GBE1: variants seen among roughly 807,000 people sequenced by gnomAD.
GBE1 encodes the protein 1,4-alpha-glucan-branching enzyme.
In GBE1, 70 loss-of-function variants were observed where a neutral mutation model predicts 88.8. The observed-to-expected ratio is 0.79, with a 90% CI of 0.65 to 0.96. GBE1 has a LOEUF of 0.96. Among genes scored for constraint, GBE1 ranks in the 40% least tolerant of loss-of-function variants. The probability of loss-of-function intolerance (pLI) is 0.00; values close to 1 mark genes in which losing one functional copy is unlikely to be tolerated. For synonymous variants in GBE1, 284 were observed against 300.1 expected (o/e 0.95, Z 0.56); for missense variants, 872 against 871.0 (o/e 1.00, Z -0.01).
rs533055306 is a variant in GBE1, at chr3:81,509,955, T to A, written c.1935-10728A>T. On this transcript the variant is annotated intron_variant, in intron 14 of 15. Coordinates refer to ENST00000429644, the MANE Select transcript of GBE1 (RefSeq NM_000158.4). ...TAAATGCATGTTAGTTGGAAGCAAT[T>A]AATTCTCAAGTTAACTATTCTGATT... Among the ~76,000 whole-genome samples the A allele has an allele frequency of 1.2e-4, 19 of 152,156 alleles. No individual in the cohort carries two copies. The South Asian group carries it at 3.1e-3, about 25-fold the overall frequency.
At chr3:81,623,709 C>A (rs1449157309) in intron 7 of GBE1, among the ~76,000 whole-genome samples, 1 of 152,134 alleles carries the variant, frequency 6.6e-6, no homozygotes, top group Non-Finnish European at 1.5e-5. Flanking sequence ...AGTGGCATGA[C>A]CATGGCTCAC....
intron 12 of GBE1, among the ~76,000 whole-genome samples, chr3:81,562,857 C>G (rs995253774): frequency 4.6e-5 from 7 of 151,144 alleles, no homozygotes; most frequent in African/African-American, 1.7e-4. Flanking sequence ...ATGTATAGGT[C>G]ACTTTCATCT....
At chr3:81,721,243 G>GAA (rs1411695091) in intron 1 of GBE1, among the ~76,000 whole-genome samples, 2 of 58,082 alleles carry the variant, frequency 3.4e-5, no homozygotes, top group African/African-American at 2.2e-4. Context: ...AAAAACACAT[G>GAA]AAAAAAAAAA....
intron 2 of GBE1, among the ~76,000 whole-genome samples, chr3:81,697,534 T>C (rs1705617421): frequency 6.6e-6 from 1 of 152,140 alleles, no homozygotes; most frequent in Non-Finnish European, 1.5e-5. Context: ...TCTCCTGACC[T>C]CGTGATCCGC....
At chr3:81,710,539 G>A (rs1705849612) in intron 1 of GBE1, among the ~76,000 whole-genome samples, 1 of 151,724 alleles carries the variant, frequency 6.6e-6, no homozygotes, top group Admixed American at 6.6e-5. Flanking sequence ...TCCTAACTCT[G>A]TTACACACCA....
chr3:81,736,330 T>C (rs1237140406), intron 1 of GBE1, among the ~76,000 whole-genome samples: 2 of 152,190 alleles, frequency 1.3e-5, no homozygotes. Flanking sequence ...ATGTTGGCCA[T>C]TGCTGAACCC....
intron 7 of GBE1, among the ~76,000 whole-genome samples, chr3:81,607,980 A>G (rs1341504060): frequency 2.0e-5 from 3 of 152,212 alleles, no homozygotes; most frequent in African/African-American, 7.2e-5. Flanking sequence ...AGATTTACAC[A>G]AGAAATGTTA....
rs535017974 is a variant in GBE1 at position 81,550,189 on chromosome 3, G to GT, written c.1619-13095dup. 6.6e-5 allele frequency among the ~76,000 whole-genome samples: 10 copies of GT among 151,494 alleles called. No homozygotes were observed. In the East Asian group the frequency reaches 1.7e-3, roughly 26 times the overall value. On this transcript the variant is annotated intron_variant, in intron 12 of 15. Transcript: ENST00000429644. ...CTTTACTCTTTTGGAATACATCGCT[G>GT]TTTTACTCCACATGTAGGAATGCAG...
chr3:81,676,653 T>C (rs1490543090), intron 2 of GBE1, among the ~76,000 whole-genome samples: 1 of 152,122 alleles, frequency 6.6e-6, no homozygotes, highest in Non-Finnish European at 1.5e-5. Flanking sequence ...ATTTTCTTTT[T>C]TATTTTACTT....
chr3:81,752,534 T>C (rs1050767362), intron 1 of GBE1, among the ~76,000 whole-genome samples: 1 of 152,192 alleles, frequency 6.6e-6, no homozygotes, highest in African/African-American at 2.4e-5. Context: ...TTTGAATTTC[T>C]GCAGGCTAGC....
intron 1 of GBE1, 93 bp downstream of exon 1, chr3:81,761,282 G>A (rs1170504073): frequency 6.8e-7 from 1 of 1,472,580 alleles, no homozygotes; most frequent in Non-Finnish European, 9.1e-7. Context: ...GGCGGGGTTG[G>A]CGCGCGAGGG....
At chr3:81,705,724 AAAG>A (rs1559694148) in intron 1 of GBE1, 111 bp from the exon 2 acceptor site, 1 of 596,368 alleles carries the variant, frequency 1.7e-6, no homozygotes. Flanking sequence ...AGACATTATT[AAAG>A]AAGAATAATA....
intron 12 of GBE1, among the ~76,000 whole-genome samples, chr3:81,551,989 C>G (rs1054365525): frequency 1.3e-5 from 2 of 152,188 alleles, no homozygotes; most frequent in African/African-American, 4.8e-5. Flanking sequence ...CACTCTACCC[C>G]TGCTCTCCCA....
intron 1 of GBE1, among the ~76,000 whole-genome samples, chr3:81,714,421 T>G (rs1472438866): frequency 6.6e-6 from 1 of 152,202 alleles, no homozygotes; most frequent in Non-Finnish European, 1.5e-5. Context: ...ATAATGTACC[T>G]AAACTTTTTA....
chr3:81,568,181 T>C (rs1212659056), intron 12 of GBE1, among the ~76,000 whole-genome samples: 1 of 152,104 alleles, frequency 6.6e-6, no homozygotes. Flanking sequence ...GGAGTCTCGC[T>C]CTGGCACCCA....
chr3:81,677,239 T>G (rs1198958537), intron 2 of GBE1, among the ~76,000 whole-genome samples: 1 of 152,208 alleles, frequency 6.6e-6, no homozygotes, highest in Non-Finnish European at 1.5e-5. Context: ...TGGTTTGCAC[T>G]TGGGCCAATC....
At chr3:81,521,895 T>C (rs1702879132) in intron 14 of GBE1, among the ~76,000 whole-genome samples, 1 of 151,354 alleles carries the variant, frequency 6.6e-6, no homozygotes, top group Non-Finnish European at 1.5e-5. Flanking sequence ...AAATACAATG[T>C]GAAAGGAAAA....
intron 12 of GBE1, among the ~76,000 whole-genome samples, chr3:81,551,856 C>T (rs1053846602): frequency 1.3e-5 from 2 of 152,120 alleles, no homozygotes; most frequent in African/African-American, 4.8e-5. Context: ...GACAAATGCT[C>T]CTGTTCCATC....
At chr3:81,583,931 C>T (rs1186965336) in intron 10 of GBE1, among the ~76,000 whole-genome samples, 2 of 151,980 alleles carry the variant, frequency 1.3e-5, no homozygotes, top group Non-Finnish European at 2.9e-5. Flanking sequence ...CCAGATCTCA[C>T]TGTATTATTT....
Sources: gnomAD v4.1 joint callset for allele counts (sites outside exome capture counted in the v4.1 genomes callset) on GRCh38, gnomAD v4.1.1 for gene constraint, MANE v1.5 for transcripts, NCBI Gene and HGNC (gene_info 2026-07-23, HGNC 2026-07-21) for gene names.